Variants in TEX14 observed in about 807,000 individuals in gnomAD.
TEX14 encodes the protein testis expressed 14, intercellular bridge forming factor.
In TEX14, 168 loss-of-function variants were observed where a neutral mutation model predicts 178.6. The ratio of observed to expected loss-of-function variants is 0.94; its 90% CI spans 0.83 to 1.07. The LOEUF is 1.07. TEX14 is among the 50% of genes least tolerant of loss of function. The probability of loss-of-function intolerance (pLI) is 0.00; values close to 1 mark genes in which losing one functional copy is unlikely to be tolerated. For missense variants in TEX14, 1,730 were observed against 1,753.6 expected (o/e 0.99, Z 0.24); for synonymous variants, 626 against 634.1 (o/e 0.99, Z 0.19).
At chr17:58,571,672 G>T (rs1429492532) in intron 24 of TEX14, among the ~76,000 whole-genome samples, 1 of 152,178 alleles carries the variant, frequency 6.6e-6, no homozygotes, top group Non-Finnish European at 1.5e-5. Flanking sequence ...CAGGTTATTA[G>T]TTCAGGAGTT....
chr17:58,562,859 C>T (rs1286167691), intron 28 of TEX14, among the ~76,000 whole-genome samples: 1 of 151,436 alleles, frequency 6.6e-6, no homozygotes, highest in African/African-American at 2.4e-5. Context: ...ATCACTTGAG[C>T]TCAGGAGTTC....
At chr17:58,588,107 T>C in intron 15 of TEX14, 86 bp from the exon 16 acceptor site, 1 of 674,206 alleles carries the variant, frequency 1.5e-6, no homozygotes, top group Non-Finnish European at 2.7e-6. Context: ...AAAGTGCTCT[T>C]GGGAGATTTT....
chr17:58,659,263 CT>C, intron 1 of TEX14: 4 of 829,346 alleles, frequency 4.8e-6, no homozygotes, highest in Non-Finnish European at 5.8e-6. Flanking sequence ...AAGAAAAACA[CT>C]TTATCAGGAC....
In TEX14 at chr17:58,579,751, A is replaced by G. The variant is rs1264716682; in HGVS notation, c.3172-20T>C. ...CGAGGTCTAAAAAAGAACAAAAGAA[A>G]AGCAAAGAAAGGAGGTTCACTGGAG... On this transcript the variant is annotated intron_variant, in intron 19 of 31. Coordinates refer to ENST00000349033, the MANE Select transcript of TEX14 (RefSeq NM_031272.5). The G allele has an allele frequency of 1.2e-6, 2 of 1,601,160 alleles. No homozygotes were observed. The highest frequency in any genetic ancestry group is 4.5e-5 in the East Asian group (2 of 44,830).
chr17:58,589,522 C>T (rs929967783), intron 15 of TEX14, among the ~76,000 whole-genome samples: 14 of 141,732 alleles, frequency 9.9e-5, no homozygotes, highest in African/African-American at 2.4e-4. Context: ...AGATCCACTG[C>T]GCTCCAGCTT....
At chr17:58,641,028 G>A (rs1186734080) in intron 2 of TEX14, among the ~76,000 whole-genome samples, 2 of 152,102 alleles carry the variant, frequency 1.3e-5, no homozygotes, top group Admixed American at 1.3e-4. Context: ...CCCATCAGTG[G>A]TTACTTTAGA....
intron 21 of TEX14, among the ~76,000 whole-genome samples, chr17:58,575,113 C>CA (rs2044645101): frequency 7.4e-6 from 1 of 135,540 alleles, no homozygotes; most frequent in Non-Finnish European, 1.6e-5. Context: ...CATGTTTTCA[C>CA]TTTTTTTTTT....
chr17:58,590,259 CAAAAA>C (rs35100175), intron 15 of TEX14, among the ~76,000 whole-genome samples: 2 of 93,824 alleles, frequency 2.1e-5, no homozygotes, highest in Admixed American at 1.3e-4. Flanking sequence ...GACTCTGTGT[CAAAAA>C]AAAAAAAAAA....
chr17:58,575,721 C>T (rs1316523031), intron 21 of TEX14, among the ~76,000 whole-genome samples: 6 of 152,192 alleles, frequency 3.9e-5, no homozygotes, highest in African/African-American at 1.4e-4. Context: ...AAAATGGGGC[C>T]TCCCTCAGCC....
Position 58,588,219 on chromosome 17 carries a change from G to A in TEX14, c.2577-198C>T, listed in dbSNP as rs143919674. ...CAAATGCCACAAATCACAGGTGATG[G>A]TTCAGGTGAGGGTTCTGCTCCTGCC... On this transcript the variant is annotated intron_variant, in intron 15 of 31. Coordinates refer to ENST00000349033, the MANE Select transcript of TEX14 (RefSeq NM_031272.5). 1.8e-4 allele frequency among the ~76,000 whole-genome samples: 28 copies of A among 152,294 alleles called. No homozygotes were observed. In the East Asian group the frequency reaches 5.4e-3, roughly 29 times the overall value.
intron 1 of TEX14, among the ~76,000 whole-genome samples, chr17:58,674,342 C>T (rs983832867): frequency 6.6e-5 from 10 of 151,828 alleles, no homozygotes; most frequent in African/African-American, 1.9e-4. Flanking sequence ...ATTGAACCCA[C>T]ATCCTTTTCA....
At chr17:58,581,917 T>C (rs2044831551) in intron 19 of TEX14, among the ~76,000 whole-genome samples, 1 of 152,166 alleles carries the variant, frequency 6.6e-6, no homozygotes, top group South Asian at 2.1e-4. Context: ...GAAAAGCAGC[T>C]GTTAACTGAC....
chr17:58,588,646 A>G (rs1369150658), intron 15 of TEX14, among the ~76,000 whole-genome samples: 1 of 152,178 alleles, frequency 6.6e-6, no homozygotes, highest in Non-Finnish European at 1.5e-5. Context: ...GAGACCTTCA[A>G]TCTAGTCCCA....
intron 15 of TEX14, among the ~76,000 whole-genome samples, chr17:58,588,282 T>C (rs2045031816): frequency 6.6e-6 from 1 of 152,134 alleles, no homozygotes; most frequent in Non-Finnish European, 1.5e-5. Flanking sequence ...CCCACCTTCA[T>C]ATCAGTGACA....
In TEX14 at chr17:58,573,215, A is replaced by G. The variant is rs373332820; in HGVS notation, c.3477T>C (p.His1159=). 4.0e-5 allele frequency: 65 copies of G among 1,614,102 alleles called. 1 individual carries two copies. The South Asian group carries it at 6.7e-4, about 17-fold the overall frequency. Residue 1159 remains histidine, a synonymous_variant, in exon 23 of 32, where the codon CAT becomes CAC. Coordinates refer to ENST00000349033, the MANE Select transcript of TEX14 (RefSeq NM_031272.5). ...GTGGAGTGCTGACACTGGTAGGTGC[A>G]TGGTTTATTTTGGGTGTTTTGCATG... ...EASCKTPKIN[H]APTSVSTPLS...
At chr17:58,659,645 T>G (rs2047066340) in intron 1 of TEX14, among the ~76,000 whole-genome samples, 1 of 152,202 alleles carries the variant, frequency 6.6e-6, no homozygotes, top group Admixed American at 6.5e-5. Flanking sequence ...ATAAGAAATT[T>G]TTTTTCTTTT....
At chr17:58,557,242 C>A (rs561082266) in intron 31 of TEX14, among the ~76,000 whole-genome samples, 195 bp from the exon 32 acceptor site, 1 of 151,870 alleles carries the variant, frequency 6.6e-6, no homozygotes, top group African/African-American at 2.4e-5. Context: ...TTGACAGCAG[C>A]ATCTTCTGTA....
intron 1 of TEX14, among the ~76,000 whole-genome samples, chr17:58,656,168 G>A (rs2046954322): frequency 6.6e-6 from 1 of 152,210 alleles, no homozygotes; most frequent in South Asian, 2.1e-4. Flanking sequence ...GGGCAGCCGG[G>A]CACAGTGGCT....
intron 10 of TEX14, among the ~76,000 whole-genome samples, chr17:58,608,707 G>C (rs566590540): frequency 1.3e-5 from 2 of 152,392 alleles, no homozygotes; most frequent in South Asian, 4.1e-4. Context: ...ACGCATGTGA[G>C]AAGAGGAATA....
Sources: gnomAD v4.1 joint callset for allele counts (sites outside exome capture counted in the v4.1 genomes callset) on GRCh38, gnomAD v4.1.1 for gene constraint, MANE v1.5 for transcripts, NCBI Gene and HGNC (gene_info 2026-07-23, HGNC 2026-07-21) for gene names.